The following CDH4 variants were observed in gnomAD, a reference collection of about 807,000 sequenced individuals.
CDH4 encodes the protein cadherin 4.
Under a neutral mutation model 86.0 loss-of-function variants are expected in CDH4, and 33 were observed. That is an observed-to-expected ratio of 0.38 (90% CI 0.29 to 0.51). CDH4 has a LOEUF of 0.51. Ranked by LOEUF, CDH4 falls within the 20% of genes least tolerant of loss-of-function variation. CDH4 has a pLI of 0.86. For synonymous variants in CDH4, 555 were observed against 549.4 expected (o/e 1.01, Z -0.14); for missense variants, 1,114 against 1,307.4 (o/e 0.85, Z 2.28).
At chr20:61,697,133 G>T (rs1438934249) in intron 2 of CDH4, among the ~76,000 whole-genome samples, 1 of 152,150 alleles carries the variant, frequency 6.6e-6, no homozygotes, top group Non-Finnish European at 1.5e-5. Flanking sequence ...TAACATAGGA[G>T]GCCCCAATTG....
chr20:61,408,325 A>T (rs984786250), intron 2 of CDH4, among the ~76,000 whole-genome samples: 1 of 152,100 alleles, frequency 6.6e-6, no homozygotes. Context: ...ACAGATGGTG[A>T]TGCGGTTTAA....
At chr20:61,809,272 G>A (rs1435077286) in intron 4 of CDH4, among the ~76,000 whole-genome samples, 1 of 152,078 alleles carries the variant, frequency 6.6e-6, no homozygotes, top group Non-Finnish European at 1.5e-5. Context: ...GATGATGGGT[G>A]TGATGTGGTC....
intron 4 of CDH4, among the ~76,000 whole-genome samples, chr20:61,833,840 C>G (rs1458307862): frequency 3.9e-5 from 6 of 152,212 alleles, no homozygotes; most frequent in African/African-American, 1.4e-4. Flanking sequence ...TAAAAAATCC[C>G]ATTTCCAGAT....
chr20:61,613,857 G>T (rs866120239), intron 2 of CDH4, among the ~76,000 whole-genome samples: 1 of 151,942 alleles, frequency 6.6e-6, no homozygotes, highest in Non-Finnish European at 1.5e-5. Context: ...TTGGTGGGAG[G>T]GGGGGCTTTG....
intron 2 of CDH4, among the ~76,000 whole-genome samples, chr20:61,509,515 A>T (rs542390133): frequency 8.1e-5 from 12 of 148,658 alleles, no homozygotes; most frequent in Middle Eastern, 3.4e-3. Context: ...AGGGAAGCCG[A>T]GCATGTGAAT....
At chr20:61,737,952 G>A (rs533138156) in intron 2 of CDH4, among the ~76,000 whole-genome samples, 1 of 152,220 alleles carries the variant, frequency 6.6e-6, no homozygotes. Context: ...GTGCACACCC[G>A]CCTTGCTGGG....
chr20:61,780,308 C>T (rs541612336), intron 4 of CDH4, among the ~76,000 whole-genome samples: 10 of 152,300 alleles, frequency 6.6e-5, no homozygotes, highest in Middle Eastern at 3.4e-3. Context: ...CCCCTCAGCC[C>T]GGCTACTCCC....
intron 11 of CDH4, among the ~76,000 whole-genome samples, chr20:61,927,925 T>C (rs1388071354): frequency 1.3e-5 from 2 of 151,874 alleles, no homozygotes; most frequent in African/African-American, 4.8e-5. Flanking sequence ...GCCGTGTGCT[T>C]TGCCGTGTCT....
chr20:61,851,838 T>A (rs751777623), intron 5 of CDH4, among the ~76,000 whole-genome samples: 1 of 152,030 alleles, frequency 6.6e-6, no homozygotes, highest in Non-Finnish European at 1.5e-5. Context: ...GATGGCTTCT[T>A]CTCTTCCCGG....
intron 2 of CDH4, among the ~76,000 whole-genome samples, chr20:61,324,168 G>A (rs2084524747): frequency 6.6e-6 from 1 of 152,146 alleles, no homozygotes. Flanking sequence ...TATGAAGTGT[G>A]TGCCTGGCTG....
Position 61,873,739 on chromosome 20 carries a change from A to G in CDH4, c.889A>G (p.Met297Val). 6.2e-7 allele frequency: 1 copy of G among 1,613,404 alleles called. No individual in the cohort carries two copies. Among genetic ancestry groups the G allele is most frequent in the Non-Finnish European group, 8.5e-7 (1 of 1,179,972 alleles). The change falls in exon 7 of 16, where the codon ATG (methionine) becomes GTG (valine). Residue 297 changes from methionine to valine, a missense_variant. Coordinates refer to ENST00000614565, the MANE Select transcript of CDH4 (RefSeq NM_001794.5). Reference protein sequence around the residue: ...DEGSKPGTYVMTVTANDADDS... With the variant: ...DEGSKPGTYVVTVTANDADDS... ...TGTCTCCGTTCCAGGCACCTACGTG[A>G]TGACCGTCACGGCCAACGATGCTGA...
rs750788221 is a variant in CDH4, at chr20:61,517,622, C to T, written c.170-225941C>T. On this transcript the variant is annotated intron_variant, in intron 2 of 15. Coordinates refer to ENST00000614565, the MANE Select transcript of CDH4 (RefSeq NM_001794.5). The surrounding 1 kb of genome is among the most constrained non-coding windows in gnomAD (Gnocchi z 6.6). Reference sequence around the variant, plus strand: ...CTTGGAACTTGGCGGGTGGCTGAGCCCCTTGAGCTGCAAAGTGAGGAGAAT... The same window carrying T: ...CTTGGAACTTGGCGGGTGGCTGAGCTCCTTGAGCTGCAAAGTGAGGAGAAT... Among the ~76,000 whole-genome samples, 1 of 152,128 alleles carries T rather than the reference C, an allele frequency of 6.6e-6. No individual in the cohort carries two copies. The highest frequency in any genetic ancestry group is 1.5e-5 in the Non-Finnish European group (1 of 68,024).
intron 2 of CDH4, among the ~76,000 whole-genome samples, chr20:61,435,242 G>A (rs996838733): frequency 1.3e-5 from 2 of 152,234 alleles, no homozygotes; most frequent in African/African-American, 4.8e-5. Flanking sequence ...CAGCGCTCAG[G>A]AGTTTGCATG....
Position 61,711,694 on chromosome 20 carries a change from A to T in CDH4, c.170-31869A>T, listed in dbSNP as rs189186027. ...GTGGCATAGTCACAGGTCTGGGATT[A>T]GGATTTGGACATCTGGGGAGGGCCG... On this transcript the variant is annotated intron_variant, in intron 2 of 15. Coordinates refer to ENST00000614565, the MANE Select transcript of CDH4 (RefSeq NM_001794.5). Among the ~76,000 whole-genome samples, 153 of 152,318 alleles carry T rather than the reference A, an allele frequency of 1.0e-3. 2 individuals are homozygous for T. In the Middle Eastern group the frequency reaches 0.014, roughly 14 times the overall value.
At chr20:61,285,582 T>C (rs2084289233) in intron 2 of CDH4, among the ~76,000 whole-genome samples, 1 of 152,384 alleles carries the variant, frequency 6.6e-6, no homozygotes, top group East Asian at 1.9e-4. Flanking sequence ...GATGGCACCA[T>C]AATGATGACT....
intron 2 of CDH4, among the ~76,000 whole-genome samples, chr20:61,558,127 G>A (rs2086190915): frequency 1.3e-5 from 2 of 152,104 alleles, no homozygotes; most frequent in African/African-American, 4.8e-5. Context: ...TATCAGACTT[G>A]GACAAACTGT....
intron 2 of CDH4, among the ~76,000 whole-genome samples, chr20:61,351,752 T>C (rs1182699654): frequency 6.6e-6 from 1 of 151,710 alleles, no homozygotes; most frequent in Non-Finnish European, 1.5e-5. Context: ...AGTCTCACTC[T>C]GTCGCCCATG....
chr20:61,453,137 G>A (rs2085389437), intron 2 of CDH4, among the ~76,000 whole-genome samples: 1 of 152,156 alleles, frequency 6.6e-6, no homozygotes, highest in Non-Finnish European at 1.5e-5. Context: ...GGGGAAAAAA[G>A]CCAATGAAAG....
intron 4 of CDH4, among the ~76,000 whole-genome samples, chr20:61,790,348 T>G (rs1979109305): frequency 1.3e-5 from 2 of 151,518 alleles, no homozygotes; most frequent in Non-Finnish European, 2.9e-5. Flanking sequence ...CATCCATTTG[T>G]CTCTTCATCC....
Sources: allele counts gnomAD v4.1 joint callset (sites outside exome capture counted in the v4.1 genomes callset), GRCh38; gene constraint gnomAD v4.1.1; non-coding constraint Gnocchi (gnomAD v3.1); transcripts MANE v1.5; gene names NCBI Gene and HGNC (gene_info 2026-07-23, HGNC 2026-07-21).